CALCR: variants seen among roughly 807,000 people sequenced by gnomAD.
CALCR encodes the protein calcitonin receptor.
In CALCR, 47 loss-of-function variants were observed where a neutral mutation model predicts 59.5. That is an observed-to-expected ratio of 0.79 (90% CI 0.63 to 1.01). The LOEUF is 1.01. Ranked by LOEUF, CALCR falls within the 50% of genes least tolerant of loss-of-function variation. The pLI, the probability that CALCR is intolerant of heterozygous loss-of-function variation, is 0.00. For missense variants in CALCR, 566 were observed against 597.1 expected, an observed-to-expected ratio of 0.95 and a Z score of 0.54; for synonymous variants, 213 against 211.3, an observed-to-expected ratio of 1.01 and a Z score of -0.07.
chr7:93,492,008 C>T (rs1320985752), intron 2 of CALCR, among the ~76,000 whole-genome samples: 2 of 151,844 alleles, frequency 1.3e-5, no homozygotes, highest in East Asian at 3.9e-4. Context: ...ACCCAAATGC[C>T]CATCAAAGAT....
At chr7:93,483,196 T>C (rs1800839417) in intron 3 of CALCR, among the ~76,000 whole-genome samples, 1 of 151,792 alleles carries the variant, frequency 6.6e-6, no homozygotes, top group Non-Finnish European at 1.5e-5. Context: ...ATAACCTATG[T>C]ACATCCTCCT....
At position 93,436,163 on chromosome 7, in the gene CALCR, A is replaced by C. The variant is rs775760519; in HGVS notation, c.938T>G (p.Phe313Cys). ...GPVMAALVVN[F>C]FFLLNIVRVL... ...CCGGACAATGTTGAGCAAAAAGAAG[A>C]AATTGACCTGCAAATATACGGTGTT... The change falls in exon 12 of 14, where the codon TTC becomes TGC. Residue 313 changes from phenylalanine to cysteine, a missense_variant. Transcript: ENST00000426151. 1 of 1,613,748 alleles carries C rather than the reference A, an allele frequency of 6.2e-7. No individual in the cohort carries two copies. Among genetic ancestry groups the C allele is most frequent in the Non-Finnish European group, 8.5e-7 (1 of 1,179,612 alleles).
At chr7:93,506,344 C>T (rs1801424597) in intron 2 of CALCR, among the ~76,000 whole-genome samples, 1 of 152,072 alleles carries the variant, frequency 6.6e-6, no homozygotes, top group African/African-American at 2.4e-5. Flanking sequence ...TTATTAAAGA[C>T]CAATTTCATG....
chr7:93,434,165 G>A (rs1167530919), intron 13 of CALCR, 88 bp downstream of exon 13: 1 of 900,450 alleles, frequency 1.1e-6, no homozygotes, highest in Non-Finnish European at 1.9e-6. Context: ...GTAGAAGTGA[G>A]ATGAAATGAA....
chr7:93,542,732 T>C (rs1465482886), intron 2 of CALCR, among the ~76,000 whole-genome samples: 3 of 152,118 alleles, frequency 2.0e-5, no homozygotes, highest in South Asian at 2.1e-4. Flanking sequence ...TTTAAATTAA[T>C]TTTTTTCTTT....
At position 93,507,751 on chromosome 7, in the gene CALCR, C is replaced by CAA. The variant is rs562704303; in HGVS notation, c.-26-20746_-26-20745dup. On this transcript the variant is annotated intron_variant, in intron 2 of 13. Transcript: ENST00000426151. Reference sequence around the variant, plus strand: ...TGAAACCCCGTCTCTACTAAAAATACAAAAAAAAAAAAAAAAAAAAATTTA... The same window carrying CAA: ...TGAAACCCCGTCTCTACTAAAAATACAAAAAAAAAAAAAAAAAAAAAAATTTA... Among the ~76,000 whole-genome samples the CAA allele has an allele frequency of 4.3e-3, 226 of 52,022 alleles. 2 individuals are homozygous for CAA. Among genetic ancestry groups the CAA allele is most frequent in the African/African-American group, 0.011 (185 of 17,458 alleles). The allele number at this position is 52,022 out of a possible 152,430, so 34.1% of individuals were successfully genotyped here.
intron 2 of CALCR, among the ~76,000 whole-genome samples, chr7:93,521,852 A>G (rs1425304469): frequency 2.0e-5 from 3 of 152,172 alleles, no homozygotes; most frequent in African/African-American, 7.2e-5. Flanking sequence ...CTCTTTATCA[A>G]AATCCCAAGG....
chr7:93,573,414 C>T (rs1327590835), intron 2 of CALCR, among the ~76,000 whole-genome samples: 3 of 152,208 alleles, frequency 2.0e-5, no homozygotes, highest in Non-Finnish European at 4.4e-5. Flanking sequence ...AATAGCCTTA[C>T]ATAGATAACT....
At chr7:93,565,758 A>G (rs1789851752) in intron 2 of CALCR, among the ~76,000 whole-genome samples, 1 of 152,208 alleles carries the variant, frequency 6.6e-6, no homozygotes, top group Non-Finnish European at 1.5e-5. Flanking sequence ...TTGCATTATT[A>G]TGTACCCTGT....
At chr7:93,542,884 G>C (rs1214033354) in intron 2 of CALCR, among the ~76,000 whole-genome samples, 2 of 151,752 alleles carry the variant, frequency 1.3e-5, no homozygotes, top group African/African-American at 4.8e-5. Flanking sequence ...ACATGGAGTT[G>C]TCATCTCCAA....
Position 93,472,161 on chromosome 7 carries a change from CA to C in CALCR, c.429+213del, listed in dbSNP as rs3839833. 1.4e-3 allele frequency among the ~76,000 whole-genome samples: 216 copies of C among 151,908 alleles called. 2 individuals are homozygous for C. In the East Asian group the frequency reaches 0.028, roughly 19 times the overall value. On this transcript the variant is annotated intron_variant, in intron 6 of 13. Coordinates refer to ENST00000426151, the MANE Select transcript of CALCR (RefSeq NM_001742.4). Reference sequence around the variant, plus strand: ...CTGATTCTGTATGCTCACGGAACTTCAATTGACTCTTGACTCTGAGTGCCAA... The same window carrying C: ...CTGATTCTGTATGCTCACGGAACTTCATTGACTCTTGACTCTGAGTGCCAA...
intron 2 of CALCR, among the ~76,000 whole-genome samples, chr7:93,547,552 A>G (rs1466333345): frequency 1.3e-5 from 2 of 152,180 alleles, no homozygotes; most frequent in Non-Finnish European, 2.9e-5. Context: ...AGCAGGCCAT[A>G]CTTAATTTGC....
chr7:93,510,419 G>A (rs1801520854), intron 2 of CALCR, among the ~76,000 whole-genome samples: 1 of 152,142 alleles, frequency 6.6e-6, no homozygotes. Context: ...TATCTGATCT[G>A]GTGGGCCAGG....
intron 8 of CALCR, among the ~76,000 whole-genome samples, chr7:93,447,539 A>G (rs1010164648): frequency 6.6e-6 from 1 of 151,860 alleles, no homozygotes; most frequent in African/African-American, 2.4e-5. Flanking sequence ...GACCTTAAGT[A>G]TGAGAAATAG....
chr7:93,469,356 T>C (rs915240576), intron 6 of CALCR, among the ~76,000 whole-genome samples: 4 of 151,712 alleles, frequency 2.6e-5, no homozygotes, highest in African/African-American at 9.7e-5. Flanking sequence ...ATGGTTAATT[T>C]TATTTATTCT....
At chr7:93,468,923 A>T in intron 6 of CALCR, 117 bp from the exon 7 acceptor site, 1 of 495,168 alleles carries the variant, frequency 2.0e-6, no homozygotes, top group Non-Finnish European at 3.4e-6. Flanking sequence ...TTAAAAACCT[A>T]CTACAATTAT....
At chr7:93,474,354 G>C (rs552362059) in intron 5 of CALCR, among the ~76,000 whole-genome samples, 1 of 151,482 alleles carries the variant, frequency 6.6e-6, no homozygotes. Context: ...TGGCTGGATT[G>C]TCTAAAAAAA....
intron 2 of CALCR, among the ~76,000 whole-genome samples, chr7:93,543,127 G>A (rs1255181205): frequency 6.6e-6 from 1 of 152,000 alleles, no homozygotes; most frequent in African/African-American, 2.4e-5. Context: ...TTTGTTTTGA[G>A]ATAGGGTCTT....
chr7:93,480,404 C>A (rs981393465), intron 3 of CALCR, among the ~76,000 whole-genome samples: 2 of 151,576 alleles, frequency 1.3e-5, no homozygotes, highest in Non-Finnish European at 2.9e-5. Flanking sequence ...TTGAGGAGAC[C>A]TAAAAACATC....
Sources: gnomAD v4.1 joint callset for allele counts (sites outside exome capture counted in the v4.1 genomes callset) on GRCh38, gnomAD v4.1.1 for gene constraint, MANE v1.5 for transcripts, NCBI Gene and HGNC (gene_info 2026-07-23, HGNC 2026-07-21) for gene names.